Variants in CNTNAP5 observed in about 807,000 individuals in gnomAD.
CNTNAP5 encodes contactin-associated protein-like 5.
Under a neutral mutation model 150.2 loss-of-function variants are expected in CNTNAP5, and 72 were observed. The observed-to-expected ratio is 0.48, with a 90% CI of 0.40 to 0.58. CNTNAP5 has a LOEUF of 0.58. CNTNAP5 is among the 20% of genes least tolerant of loss of function. CNTNAP5 has a pLI of 0.00. For missense variants in CNTNAP5, 1,636 were observed against 1,626.2 expected (o/e 1.01, Z -0.10); for synonymous variants, 672 against 619.8 (o/e 1.08, Z -1.25).
chr2:124,309,316 T>C (rs1388050721), intron 3 of CNTNAP5, among the ~76,000 whole-genome samples: 4 of 152,158 alleles, frequency 2.6e-5, no homozygotes, highest in Admixed American at 1.3e-4. Context: ...AGGACCATTG[T>C]ACAGATTAAA....
At chr2:124,714,968 CA>C (rs1679913737) in intron 13 of CNTNAP5, among the ~76,000 whole-genome samples, 1 of 152,170 alleles carries the variant, frequency 6.6e-6, no homozygotes, top group South Asian at 2.1e-4. Flanking sequence ...ACCTCTAAGA[CA>C]AATTAGAAAG....
At chr2:124,451,075 T>TATATATATACACAC (rs1692966013) in intron 6 of CNTNAP5, among the ~76,000 whole-genome samples, 2 of 81,804 alleles carry the variant, frequency 2.4e-5, no homozygotes, top group African/African-American at 9.6e-5. Flanking sequence ...TATATATATA[T>TATATATATACACAC]ATACACACAC....
intron 19 of CNTNAP5, among the ~76,000 whole-genome samples, chr2:124,860,066 A>C (rs986263226): frequency 6.6e-6 from 1 of 152,072 alleles, no homozygotes; most frequent in Non-Finnish European, 1.5e-5. Flanking sequence ...AAAAAAAAAA[A>C]ATAGGCCTGG....
chr2:124,656,980 T>C (rs1678471997), intron 13 of CNTNAP5, among the ~76,000 whole-genome samples: 1 of 152,204 alleles, frequency 6.6e-6, no homozygotes, highest in Non-Finnish European at 1.5e-5. Context: ...TTCTTATGTG[T>C]GACATTTAAT....
chr2:124,678,130 C>A (rs1678986206), intron 13 of CNTNAP5, among the ~76,000 whole-genome samples: 1 of 151,770 alleles, frequency 6.6e-6, no homozygotes, highest in African/African-American at 2.4e-5. Context: ...TCCTCCCTTA[C>A]TGTCATTTGG....
chr2:124,125,346 T>C (rs1332606163), intron 1 of CNTNAP5, among the ~76,000 whole-genome samples: 1 of 152,088 alleles, frequency 6.6e-6, no homozygotes, highest in Non-Finnish European at 1.5e-5. Context: ...AGGGATCAAT[T>C]CAACAAGAAG....
chr2:124,199,035 C>A (rs369887392), intron 1 of CNTNAP5, among the ~76,000 whole-genome samples: 2 of 152,228 alleles, frequency 1.3e-5, no homozygotes, highest in East Asian at 3.9e-4. Flanking sequence ...ATTCACACGG[C>A]AATTACTACA....
chr2:124,155,018 C>T (rs1365249942), intron 1 of CNTNAP5, among the ~76,000 whole-genome samples: 1 of 149,242 alleles, frequency 6.7e-6, no homozygotes, highest in Admixed American at 6.7e-5. Context: ...ATGCAAGCCT[C>T]TTTTTGAAAC....
At chr2:124,665,845 C>T (rs1678689129) in intron 13 of CNTNAP5, among the ~76,000 whole-genome samples, 2 of 150,628 alleles carry the variant, frequency 1.3e-5, no homozygotes, top group Admixed American at 6.6e-5. Context: ...GAGATCAAGC[C>T]ACTGCACTCC....
chr2:124,372,773 T>A lies in CNTNAP5; in HGVS notation c.382-44670T>A, dbSNP rs4848239. Among the ~76,000 whole-genome samples the A allele has an allele frequency of 2.6e-5, 4 of 151,990 alleles. No homozygotes were observed. In the East Asian group the frequency reaches 7.8e-4, roughly 29 times the overall value. ...AATTGACTCAGGGTTCCTGTTATTA[T>A]AGACAGAATTGTGCTAACTGGTACA... On this transcript the variant is annotated intron_variant, in intron 3 of 23. Transcript: ENST00000682447.
intron 3 of CNTNAP5, among the ~76,000 whole-genome samples, chr2:124,344,061 A>G (rs1030584549): frequency 3.9e-4 from 59 of 152,308 alleles, no homozygotes; most frequent in Non-Finnish European, 5.6e-4. Flanking sequence ...CCAAGCCACC[A>G]CAAGGGCAGA....
intron 3 of CNTNAP5, among the ~76,000 whole-genome samples, chr2:124,260,497 A>C (rs1249076858): frequency 6.6e-6 from 1 of 152,246 alleles, no homozygotes; most frequent in African/African-American, 2.4e-5. Context: ...CAATGGCAAC[A>C]AAAGCCAAAA....
At chr2:124,761,664 C>T (rs113171613) in intron 14 of CNTNAP5, among the ~76,000 whole-genome samples, 11 of 152,042 alleles carry the variant, frequency 7.2e-5, no homozygotes, top group Admixed American at 2.6e-4. Flanking sequence ...GATTCGCATG[C>T]TTTTTGACTT....
chr2:124,725,394 T>C (rs1021968252), intron 13 of CNTNAP5, among the ~76,000 whole-genome samples: 1 of 151,882 alleles, frequency 6.6e-6, no homozygotes, highest in East Asian at 1.9e-4. Flanking sequence ...CACAATGAAG[T>C]TAACTAACAT....
intron 2 of CNTNAP5, among the ~76,000 whole-genome samples, chr2:124,229,698 C>A (rs1458239957): frequency 6.6e-6 from 1 of 151,940 alleles, no homozygotes; most frequent in Non-Finnish European, 1.5e-5. Flanking sequence ...TTAGAGTCAG[C>A]TGGGCTTCAG....
chr2:124,091,964 C>T lies in CNTNAP5; in HGVS notation c.82+66232C>T, dbSNP rs895982741. The stretch of plus-strand genomic sequence containing the variant: ...TTCTGCTTTGCATAAGGCAGGTCCT[C>T]GGCTTCTGTGCCTTCTTTGTGTCGA... On this transcript the variant is annotated intron_variant, in intron 1 of 23. Transcript: ENST00000682447. 2.6e-5 allele frequency among the ~76,000 whole-genome samples: 4 copies of T among 152,168 alleles called. 1 individual carries two copies. The highest frequency in any genetic ancestry group is 2.9e-5 in the Non-Finnish European group (2 of 68,028).
rs561806411 is a variant in CNTNAP5, at chr2:124,816,767, C to T, written c.3217+18447C>T. On this transcript the variant is annotated intron_variant, in intron 19 of 23. Coordinates refer to ENST00000682447, the MANE Select transcript of CNTNAP5 (RefSeq NM_001367498.1). ...TGCCAGGATTACAAGCATGAGCCAC[C>T]GTGCATGGCTGCAGCTTGCTTTTTT... 8.5e-5 allele frequency among the ~76,000 whole-genome samples: 13 copies of T among 152,188 alleles called. 1 individual carries two copies. Among genetic ancestry groups the T allele is most frequent in the Admixed American group, 3.3e-4 (5 of 15,278 alleles).
At chr2:124,419,140 CAA>C (rs778863758) in intron 4 of CNTNAP5, among the ~76,000 whole-genome samples, 9 of 28,914 alleles carry the variant, frequency 3.1e-4, no homozygotes, top group East Asian at 3.8e-3. Context: ...GACTCCTTCT[CAA>C]AAAAAAAAAA....
At position 124,414,097 on chromosome 2, in the gene CNTNAP5, A is replaced by C. The variant is rs539772359; in HGVS notation, c.382-3346A>C. ...TAGAATGCTAGATTGATAGTGTTTT[A>C]CTTTCAGTATTTTTGGATTTCCTTT... On this transcript the variant is annotated intron_variant, in intron 3 of 23. Coordinates refer to ENST00000682447, the MANE Select transcript of CNTNAP5 (RefSeq NM_001367498.1). Among the ~76,000 whole-genome samples the C allele has an allele frequency of 9.1e-5, 13 of 143,226 alleles. No individual in the cohort carries two copies. The East Asian group carries it at 2.7e-3, about 29-fold the overall frequency. 94.0% of individuals were successfully genotyped at this position (143,226 alleles called of 152,430 possible).
Sources: gnomAD v4.1 joint callset for allele counts (sites outside exome capture counted in the v4.1 genomes callset) on GRCh38, gnomAD v4.1.1 for gene constraint, MANE v1.5 for transcripts, NCBI Gene and HGNC (gene_info 2026-07-23, HGNC 2026-07-21) for gene names.